The following PLEKHA1 variants were observed in gnomAD, a reference collection of about 807,000 sequenced individuals.
PLEKHA1 encodes pleckstrin homology domain containing A1.
A neutral mutation model predicts 52.0 loss-of-function variants in PLEKHA1; 34 were observed. The observed-to-expected ratio is 0.65, with a 90% CI of 0.50 to 0.87. The LOEUF (loss-of-function observed/expected upper bound fraction) is 0.87, where lower values mean the gene tolerates loss of function less well. Ranked by LOEUF, PLEKHA1 falls within the 40% of genes least tolerant of loss-of-function variation. The pLI is 0.00. For synonymous variants in PLEKHA1, 163 were observed against 170.7 expected (o/e 0.95, Z 0.35); for missense variants, 497 against 504.2 (o/e 0.99, Z 0.14).
chr10:122,383,700 C>T (rs767488372), intron 1 of PLEKHA1, among the ~76,000 whole-genome samples: 2 of 151,982 alleles, frequency 1.3e-5, no homozygotes, highest in South Asian at 2.1e-4. Flanking sequence ...ATCACAATGC[C>T]GTTATCACAC....
chr10:122,428,210 C>CT (rs965297955), intron 11 of PLEKHA1: 341 of 1,379,818 alleles, frequency 2.5e-4, no homozygotes, highest in Non-Finnish European at 3.1e-4. Flanking sequence ...GTCAGCACAA[C>CT]TTTCTCTTTT....
At chr10:122,398,899 T>C (rs1484539268) in intron 3 of PLEKHA1, among the ~76,000 whole-genome samples, 1 of 152,202 alleles carries the variant, frequency 6.6e-6, no homozygotes, top group African/African-American at 2.4e-5. Context: ...CAATAAAGAT[T>C]ACACATTTAA....
intron 1 of PLEKHA1, among the ~76,000 whole-genome samples, chr10:122,391,265 C>T (rs990252945): frequency 1.3e-5 from 2 of 151,204 alleles, no homozygotes; most frequent in Non-Finnish European, 2.9e-5. Flanking sequence ...TTGTTTGATG[C>T]AAAAAAAGTT....
At chr10:122,427,916 A>G (rs1438808442) in intron 11 of PLEKHA1, among the ~76,000 whole-genome samples, 1 of 152,160 alleles carries the variant, frequency 6.6e-6, no homozygotes, top group African/African-American at 2.4e-5. Context: ...ACCGCCTTTT[A>G]TTAGTTTTCT....
chr10:122,393,103 C>T lies in PLEKHA1; in HGVS notation c.-20-78C>T. 1 of 1,200,486 alleles carries T rather than the reference C, an allele frequency of 8.3e-7. No homozygotes were observed. The highest frequency in any genetic ancestry group is 1.1e-6 in the Non-Finnish European group (1 of 881,534). 74.4% of individuals were successfully genotyped at this position (1,200,486 alleles called of 1,614,324 possible). A position where few individuals can be genotyped will look rare whatever the true frequency, so the allele number is the denominator to read the frequency against. ...ACCTAATGTTGGCAAGTTGCCCCCT[C>T]ATTGAACAGATTTGCAGTCCATGAG... On this transcript the variant is annotated intron_variant, in intron 1 of 11. Transcript: ENST00000368990. The surrounding 1 kb of genome is among the most constrained non-coding windows in gnomAD (Gnocchi z 4.5).
Position 122,430,129 on chromosome 10 carries a change from G to A in PLEKHA1, c.*191G>A. 1.6e-6 allele frequency: 1 copy of A among 641,036 alleles called. No homozygotes were observed. The allele number at this position is 641,036 out of a possible 1,614,324, so 39.7% of individuals were successfully genotyped here. Reference sequence around the variant, plus strand: ...AACTAAATATAATTTCTTTAAAAAAGAAAGAAAAAGGAAAAATCCAAAATA... The same window carrying A: ...AACTAAATATAATTTCTTTAAAAAAAAAAGAAAAAGGAAAAATCCAAAATA... On this transcript the variant is annotated 3_prime_UTR_variant, in exon 12 of 12. Transcript: ENST00000368990.
intron 8 of PLEKHA1, chr10:122,419,253 A>C (rs2097222421): frequency 6.6e-6 from 1 of 152,160 alleles, no homozygotes; most frequent in African/African-American, 2.4e-5. Context: ...AAATTAAATG[A>C]GCTTCTTAAG....
At chr10:122,382,831 A>G (rs2096633454) in intron 1 of PLEKHA1, among the ~76,000 whole-genome samples, 1 of 152,194 alleles carries the variant, frequency 6.6e-6, no homozygotes. Context: ...TACATTATCC[A>G]ATAATGTACA....
intron 5 of PLEKHA1, among the ~76,000 whole-genome samples, chr10:122,409,811 C>T (rs989540758): frequency 1.6e-4 from 24 of 149,152 alleles, no homozygotes; most frequent in African/African-American, 4.0e-4. Flanking sequence ...GACAGAGTCT[C>T]GCTGTGTTGC....
At chr10:122,416,762 G>A (rs1048516146) in intron 7 of PLEKHA1, among the ~76,000 whole-genome samples, 2 of 152,128 alleles carry the variant, frequency 1.3e-5, no homozygotes, top group Admixed American at 1.3e-4. Flanking sequence ...TAACTTTAAA[G>A]TTTGAAAATG....
chr10:122,418,820 T>C (rs1375803172), intron 8 of PLEKHA1: 1 of 152,156 alleles, frequency 6.6e-6, no homozygotes. Context: ...CTTCTTTTTG[T>C]ATGGGATCTT....
At chr10:122,389,431 G>A (rs2133913909) in intron 1 of PLEKHA1, among the ~76,000 whole-genome samples, 1 of 152,328 alleles carries the variant, frequency 6.6e-6, no homozygotes. Context: ...TGGGCGTGGT[G>A]GCTAACACCT....
At chr10:122,408,743 A>G (rs2097060307) in intron 5 of PLEKHA1, among the ~76,000 whole-genome samples, 1 of 152,130 alleles carries the variant, frequency 6.6e-6, no homozygotes. Flanking sequence ...TTTCATGTGC[A>G]TTTTATACAT....
At chr10:122,424,990 C>A in intron 10 of PLEKHA1, 31 bp downstream of exon 10, 1 of 1,548,460 alleles carries the variant, frequency 6.5e-7, no homozygotes, top group Non-Finnish European at 8.8e-7. Context: ...TTAATAGATC[C>A]TCCTAAAAAG....
intron 3 of PLEKHA1, 90 bp downstream of exon 3, chr10:122,398,064 C>T (rs1407710745): frequency 2.9e-6 from 3 of 1,026,860 alleles, no homozygotes; most frequent in Non-Finnish European, 4.5e-6. Context: ...TTTCCATGTC[C>T]TTTAACAGTG....
At chr10:122,422,492 T>C (rs2097273881) in intron 8 of PLEKHA1, 1 of 152,174 alleles carries the variant, frequency 6.6e-6, no homozygotes, top group Non-Finnish European at 1.5e-5. Flanking sequence ...AAGAACAGTG[T>C]CATGTCTGTG....
intron 11 of PLEKHA1, chr10:122,428,528 A>T: frequency 9.6e-7 from 1 of 1,042,444 alleles, no homozygotes; most frequent in Non-Finnish European, 1.2e-6. Context: ...TTTAAAAATA[A>T]AAAATAAAAC....
At chr10:122,435,572 T>G (rs920802080), downstream of PLEKHA1, 1 of 152,242 alleles carries the variant, frequency 6.6e-6, no homozygotes, top group African/African-American at 2.4e-5. Context: ...TTACAAATTA[T>G]AAATTTTTTA....
At chr10:122,432,545 ATGATTTTTTTT>A (rs2097423170), downstream of PLEKHA1, 1 of 80,032 alleles carries the variant, frequency 1.2e-5, no homozygotes, top group Admixed American at 1.3e-4. Context: ...AGAAGGAAAA[ATGATTTTTTTT>A]TGATAGGGGA....
Sources: gnomAD v4.1 joint callset for allele counts (sites outside exome capture counted in the v4.1 genomes callset) on GRCh38, gnomAD v4.1.1 for gene constraint, Gnocchi (gnomAD v3.1) non-coding constraint, MANE v1.5 for transcripts, NCBI Gene and HGNC (gene_info 2026-07-23, HGNC 2026-07-21) for gene names.